The following CCDC178 variants were observed in gnomAD, a reference collection of about 807,000 sequenced individuals.
CCDC178 encodes coiled-coil domain-containing protein 178.
In CCDC178, 126 loss-of-function variants were observed where a neutral mutation model predicts 117.4. The ratio of observed to expected loss-of-function variants is 1.07; its 90% CI spans 0.93 to 1.24. The LOEUF (loss-of-function observed/expected upper bound fraction) is 1.24. CCDC178 is among the 50% of genes most tolerant of loss of function. The pLI, the probability that CCDC178 is intolerant of heterozygous loss-of-function variation, is 0.00. For missense variants in CCDC178, 1,030 were observed against 986.9 expected (o/e 1.04, Z -0.59); for synonymous variants, 283 against 313.4 (o/e 0.90, Z 1.02).
At chr18:32,953,014 T>C (rs541462467) in intron 22 of CCDC178, among the ~76,000 whole-genome samples, 48 of 152,058 alleles carry the variant, frequency 3.2e-4, no homozygotes, top group African/African-American at 1.1e-3. Context: ...CCTCATGATC[T>C]GCCTGCCTCG....
At chr18:33,409,194 C>T (rs2063819638) in intron 3 of CCDC178, among the ~76,000 whole-genome samples, 1 of 152,122 alleles carries the variant, frequency 6.6e-6, no homozygotes, top group Non-Finnish European at 1.5e-5. Flanking sequence ...AGGGATCCTC[C>T]TATCTCACAG....
intron 20 of CCDC178, among the ~76,000 whole-genome samples, chr18:33,113,558 A>AATTAAT (rs1400876472): frequency 9.2e-5 from 14 of 152,024 alleles, no homozygotes; most frequent in African/African-American, 3.4e-4. Flanking sequence ...ACTAATTAAA[A>AATTAAT]TAGCAATGGA....
intron 20 of CCDC178, among the ~76,000 whole-genome samples, chr18:33,128,285 T>C (rs752630187): frequency 4.6e-5 from 7 of 152,234 alleles, no homozygotes; most frequent in African/African-American, 1.2e-4. Context: ...TATGTCCCAC[T>C]TGATAATTTT....
chr18:33,331,783 A>G (rs1401243479), intron 10 of CCDC178, among the ~76,000 whole-genome samples: 1 of 152,228 alleles, frequency 6.6e-6, no homozygotes, highest in Non-Finnish European at 1.5e-5. Flanking sequence ...AGAAATTGTT[A>G]TAGGCACTCT....
chr18:33,069,694 C>T (rs1003901073), intron 21 of CCDC178, among the ~76,000 whole-genome samples: 3 of 151,864 alleles, frequency 2.0e-5, no homozygotes, highest in Admixed American at 1.3e-4. Context: ...TAAACTTCTA[C>T]AAATACTTCT....
At chr18:32,944,187 G>A (rs953248296) in intron 22 of CCDC178, among the ~76,000 whole-genome samples, 1 of 152,144 alleles carries the variant, frequency 6.6e-6, no homozygotes, top group Non-Finnish European at 1.5e-5. Context: ...TATGGTCACA[G>A]AAAAGTGGTG....
chr18:33,418,167 G>C (rs6507022), intron 2 of CCDC178, among the ~76,000 whole-genome samples: 90,659 of 152,038 alleles, frequency 0.6, 28,133 homozygotes, highest in East Asian at 0.8. Flanking sequence ...AGCTTTTTAA[G>C]TGGGATGCAA....
chr18:33,200,834 AG>A (rs112186451), intron 20 of CCDC178, among the ~76,000 whole-genome samples: 1,635 of 152,134 alleles, frequency 0.011, 27 homozygotes, highest in African/African-American at 0.037. Flanking sequence ...ACCTTTGCTT[AG>A]GGGGGCTAAT....
chr18:33,275,689 A>C (rs1172700323), intron 12 of CCDC178, among the ~76,000 whole-genome samples: 1 of 17,610 alleles, frequency 5.7e-5, no homozygotes, highest in Admixed American at 6.5e-4. Flanking sequence ...GGGAGGAGGG[A>C]GGGGAAGCGG....
chr18:33,220,297 A>G (rs1044273187), intron 18 of CCDC178, among the ~76,000 whole-genome samples: 10 of 152,160 alleles, frequency 6.6e-5, no homozygotes, highest in Middle Eastern at 3.4e-3. Flanking sequence ...TGTGCCTTTT[A>G]TGACTCACAG....
chr18:32,983,746 C>T (rs1217533423), intron 21 of CCDC178, among the ~76,000 whole-genome samples: 2 of 152,016 alleles, frequency 1.3e-5, no homozygotes, highest in African/African-American at 2.4e-5. Flanking sequence ...AAGCACACTG[C>T]GTTTCTCAAT....
chr18:33,241,810 A>G (rs1375896796), intron 15 of CCDC178, among the ~76,000 whole-genome samples: 1 of 151,750 alleles, frequency 6.6e-6, no homozygotes, highest in Non-Finnish European at 1.5e-5. Context: ...ATAAACAATT[A>G]ATATTGTTAA....
intron 20 of CCDC178, among the ~76,000 whole-genome samples, chr18:33,152,237 G>A (rs1294008966): frequency 6.6e-6 from 1 of 151,622 alleles, no homozygotes; most frequent in East Asian, 1.9e-4. Context: ...AATTTTGAGA[G>A]CAAATGCTCA....
intron 21 of CCDC178, among the ~76,000 whole-genome samples, chr18:33,003,168 C>T (rs559206374): frequency 9.9e-5 from 15 of 152,088 alleles, no homozygotes; most frequent in Non-Finnish European, 1.8e-4. Flanking sequence ...CACTTTCAAA[C>T]TCATTCTATG....
chr18:33,367,536 T>C (rs1334718169), intron 6 of CCDC178, among the ~76,000 whole-genome samples: 4 of 152,050 alleles, frequency 2.6e-5, no homozygotes, highest in African/African-American at 9.7e-5. Context: ...ACCAACATTT[T>C]TTGGTAATAT....
chr18:33,245,495 A>G, intron 14 of CCDC178, 67 bp from the exon 15 acceptor site: 1 of 1,264,402 alleles, frequency 7.9e-7, no homozygotes, highest in Non-Finnish European at 1.0e-6. Flanking sequence ...TAATAATAGT[A>G]AAAAAGAATA....
chr18:33,218,547 A>G (rs538715281), intron 18 of CCDC178, among the ~76,000 whole-genome samples: 53 of 152,164 alleles, frequency 3.5e-4, no homozygotes, highest in Middle Eastern at 3.4e-3. Context: ...CCTGAATGGT[A>G]TTGCCTAGGT....
At chr18:33,306,508 TATATA>T (rs1396451771) in intron 11 of CCDC178, among the ~76,000 whole-genome samples, 7 of 143,038 alleles carry the variant, frequency 4.9e-5, no homozygotes, top group South Asian at 2.1e-4. Flanking sequence ...TATATGGTTA[TATATA>T]ATATATGGTT....
chr18:33,397,908 A>C (rs1025637241), intron 3 of CCDC178, among the ~76,000 whole-genome samples: 4 of 152,164 alleles, frequency 2.6e-5, no homozygotes, highest in African/African-American at 9.6e-5. Flanking sequence ...GTGGTAGTAC[A>C]AAATATTACT....
Sources: gnomAD v4.1 joint callset for allele counts (sites outside exome capture counted in the v4.1 genomes callset) on GRCh38, gnomAD v4.1.1 for gene constraint, MANE v1.5 for transcripts, NCBI Gene and HGNC (gene_info 2026-07-23, HGNC 2026-07-21) for gene names.